The following CD247 variants were observed in gnomAD, a reference collection of about 807,000 sequenced individuals.
The protein encoded by CD247 is CD247 molecule.
CD247 carries 13 observed loss-of-function variants against 30.0 expected under a neutral mutation model. The ratio of observed to expected loss-of-function variants is 0.43; its 90% CI spans 0.28 to 0.69. CD247 has a LOEUF of 0.69. CD247 is among the 30% of genes least tolerant of loss of function. The pLI is 0.16. For missense variants in CD247, 193 were observed against 212.6 expected (o/e 0.91, Z 0.57); for synonymous variants, 72 against 80.0 (o/e 0.90, Z 0.53).
rs998521400 is a variant in CD247 at position 167,440,685 on chromosome 1, A to G, written c.141T>C (p.Thr47=). 1.2e-6 allele frequency: 2 copies of G among 1,612,892 alleles called. No individual in the cohort carries two copies. The highest frequency in any genetic ancestry group is 1.7e-6 in the Non-Finnish European group (2 of 1,179,096). ...CCACCTTCACTCTCAGGAACAAGGC[A>G]GTGAGAATGACACCATAGATGAAGA... ...GILFIYGVIL[T]ALFLRVKFSR... The change falls in exon 2 of 8, where the codon ACT becomes ACC. Residue 47 remains threonine (T), a synonymous_variant. Coordinates refer to ENST00000362089, the MANE Select transcript of CD247 (RefSeq NM_198053.3).
intron 1 of CD247, among the ~76,000 whole-genome samples, chr1:167,495,046 G>A (rs1452814065): frequency 6.6e-6 from 1 of 152,214 alleles, no homozygotes; most frequent in Admixed American, 6.5e-5. Context: ...GGTGGCCCAG[G>A]TGGCTGCCTG....
chr1:167,511,592 G>A (rs1376132731), intron 1 of CD247, among the ~76,000 whole-genome samples: 1 of 152,138 alleles, frequency 6.6e-6, no homozygotes, highest in African/African-American at 2.4e-5. Context: ...AGCAGAAAAT[G>A]TATATTAAAT....
In CD247 at chr1:167,515,222, C is replaced by T. The variant is rs368089777; in HGVS notation, c.58+3186G>A. Among the ~76,000 whole-genome samples, 33 of 152,328 alleles carry T rather than the reference C, an allele frequency of 2.2e-4. No homozygotes were observed. In the East Asian group the frequency reaches 5.0e-3, roughly 23 times the overall value. The stretch of plus-strand genomic sequence containing the variant: ...ACTTAAAAGCTTGCCTCACATTCAC[C>T]TCCCAGCAATTTTAGCAAAGATTTA... On this transcript the variant is annotated intron_variant, in intron 1 of 7. Transcript: ENST00000362089.
intron 1 of CD247, among the ~76,000 whole-genome samples, chr1:167,498,351 A>C (rs1322119587): frequency 6.6e-6 from 1 of 152,212 alleles, no homozygotes; most frequent in African/African-American, 2.4e-5. Flanking sequence ...TCAGAAGAGC[A>C]GGGACACTGG....
Position 167,430,913 on chromosome 1 carries a change from T to G in CD247, c.*768A>C. 2.5e-6 allele frequency: 1 copy of G among 398,802 alleles called. No homozygotes were observed. The highest frequency in any genetic ancestry group is 4.4e-6 in the Non-Finnish European group (1 of 226,184). The allele number at this position is 398,802 out of a possible 1,614,324, so 24.7% of individuals were successfully genotyped here. On this transcript the variant is annotated 3_prime_UTR_variant, in exon 8 of 8. Transcript: ENST00000362089. ...GAAAGCGTGAAGTGAATCAACGGCC[T>G]CCTCTTGCTCCGCAGCACTTTATTC...
intron 1 of CD247, among the ~76,000 whole-genome samples, chr1:167,441,223 C>CA (rs1377078434): frequency 2.0e-5 from 3 of 152,218 alleles, no homozygotes; most frequent in Non-Finnish European, 4.4e-5. Context: ...AAATGATGGT[C>CA]AAATGAGATC....
chr1:167,440,573 C>T (rs1651780094), intron 2 of CD247, 91 bp downstream of exon 2: 11 of 841,388 alleles, frequency 1.3e-5, no homozygotes, highest in South Asian at 7.1e-5. Flanking sequence ...AGGCACCACC[C>T]GAGCTTGAGA....
In CD247 at chr1:167,498,501, T is replaced by C. The variant is rs142749026; in HGVS notation, c.58+19907A>G. Among the ~76,000 whole-genome samples, 14 of 152,334 alleles carry C rather than the reference T, an allele frequency of 9.2e-5. No individual in the cohort carries two copies. In the East Asian group the frequency reaches 2.7e-3, roughly 29 times the overall value. On this transcript the variant is annotated intron_variant, in intron 1 of 7. Transcript: ENST00000362089. Reference sequence around the variant, plus strand: ...CATGGAGATGCCTCAGACACTCTATTTGGCCTTTCTACCTTTCCATTCAGT... The same window carrying C: ...CATGGAGATGCCTCAGACACTCTATCTGGCCTTTCTACCTTTCCATTCAGT...
intron 1 of CD247, among the ~76,000 whole-genome samples, chr1:167,511,507 T>C (rs1356854985): frequency 6.6e-6 from 1 of 152,226 alleles, no homozygotes; most frequent in Non-Finnish European, 1.5e-5. Flanking sequence ...AAAATGTAAG[T>C]TCTCCATTTA....
chr1:167,470,551 C>T (rs1321685490), intron 1 of CD247, among the ~76,000 whole-genome samples: 11 of 140,822 alleles, frequency 7.8e-5, no homozygotes, highest in Admixed American at 7.7e-4. Flanking sequence ...TACAGAAAAG[C>T]GTGGAAAAGA....
chr1:167,453,784 T>C (rs1305179516), intron 1 of CD247, among the ~76,000 whole-genome samples: 2 of 152,058 alleles, frequency 1.3e-5, no homozygotes, highest in Non-Finnish European at 2.9e-5. Flanking sequence ...GCAAGACCCG[T>C]CTCTGCAAAT....
chr1:167,492,784 C>G (rs1654507932), intron 1 of CD247, among the ~76,000 whole-genome samples: 1 of 152,146 alleles, frequency 6.6e-6, no homozygotes, highest in South Asian at 2.1e-4. Flanking sequence ...TGAGCCCATG[C>G]TGTGTTCAGG....
intron 1 of CD247, among the ~76,000 whole-genome samples, chr1:167,454,865 C>CT (rs1652559354): frequency 6.6e-6 from 1 of 152,358 alleles, no homozygotes; most frequent in Admixed American, 6.5e-5. Context: ...ACCTGCCTCG[C>CT]TCGCTGGTCG....
At chr1:167,431,793 T>C (rs1651284312) in intron 7 of CD247, 47 bp from the exon 8 acceptor site, 11 of 1,563,860 alleles carry the variant, frequency 7.0e-6, no homozygotes, top group Non-Finnish European at 8.8e-6. Context: ...CAGTAGCCTG[T>C]GTGGGCAGGA....
intron 1 of CD247, among the ~76,000 whole-genome samples, chr1:167,512,136 G>A (rs1655411231): frequency 6.6e-6 from 1 of 152,142 alleles, no homozygotes; most frequent in Non-Finnish European, 1.5e-5. Flanking sequence ...TTTCACCACT[G>A]CAATTTGGCT....
chr1:167,433,975 G>C (rs952963), intron 6 of CD247, 45 bp downstream of exon 6: 1 of 1,530,574 alleles, frequency 6.5e-7, no homozygotes, highest in African/African-American at 1.4e-5. Flanking sequence ...GTGTCTGGAG[G>C]ACCAAGAGGA....
intron 1 of CD247, among the ~76,000 whole-genome samples, chr1:167,440,985 G>A (rs915865332): frequency 6.6e-6 from 1 of 152,154 alleles, no homozygotes; most frequent in Non-Finnish European, 1.5e-5. Context: ...TGGCCGCTGT[G>A]GGGCCAAAGA....
intron 1 of CD247, among the ~76,000 whole-genome samples, chr1:167,490,473 A>G (rs1293383443): frequency 6.6e-6 from 1 of 151,924 alleles, no homozygotes; most frequent in East Asian, 1.9e-4. Context: ...AAATACAAAA[A>G]TTAGCTGGGC....
At chr1:167,515,939 T>A (rs1034411415) in intron 1 of CD247, among the ~76,000 whole-genome samples, 1 of 152,248 alleles carries the variant, frequency 6.6e-6, no homozygotes, top group Non-Finnish European at 1.5e-5. Flanking sequence ...CATTGTCACA[T>A]CTCTGCAAAG....
Sources: gnomAD v4.1 joint callset for allele counts (sites outside exome capture counted in the v4.1 genomes callset) on GRCh38, gnomAD v4.1.1 for gene constraint, MANE v1.5 for transcripts, NCBI Gene and HGNC (gene_info 2026-07-23, HGNC 2026-07-21) for gene names.